TOP1MT: variants seen among roughly 807,000 people sequenced by gnomAD.
TOP1MT encodes the protein DNA topoisomerase I, mitochondrial.
In TOP1MT, 80 loss-of-function variants were observed where a neutral mutation model predicts 73.9. That is an observed-to-expected ratio of 1.08 (90% CI 0.90 to 1.30). The LOEUF (loss-of-function observed/expected upper bound fraction) is 1.30. Ranked by LOEUF, TOP1MT falls within the 50% of genes most tolerant of loss-of-function variation. The pLI, the probability that TOP1MT is intolerant of heterozygous loss-of-function variation, is 0.00. For synonymous variants in TOP1MT, 338 were observed against 326.4 expected (o/e 1.04, Z -0.38); for missense variants, 815 against 808.0 (o/e 1.01, Z -0.10).
intron 7 of TOP1MT, among the ~76,000 whole-genome samples, chr8:143,322,330 CCACA>C (rs1277344680): frequency 1.1e-3 from 93 of 85,242 alleles, no homozygotes; most frequent in Admixed American, 1.9e-3. Flanking sequence ...CAGATGCATG[CCACA>C]CACACAGGCA....
upstream of TOP1MT, among the ~76,000 whole-genome samples, chr8:143,336,716 C>T (rs780840866): frequency 1.3e-5 from 2 of 152,196 alleles, no homozygotes; most frequent in Non-Finnish European, 2.9e-5. Flanking sequence ...AGCACCGTAG[C>T]TCATGCCTGT....
intron 1 of TOP1MT, among the ~76,000 whole-genome samples, chr8:143,331,588 C>A (rs1563766652): frequency 6.6e-6 from 1 of 152,214 alleles, no homozygotes; most frequent in Admixed American, 6.5e-5. Flanking sequence ...TCCCACCAAG[C>A]CCAGCTAAGC....
At chr8:143,331,187 G>A in intron 2 of TOP1MT, 37 bp downstream of exon 2, 1 of 1,533,778 alleles carries the variant, frequency 6.5e-7, no homozygotes, top group Non-Finnish European at 8.9e-7. Context: ...AGGGAACCAA[G>A]CGCAGGCTGG....
chr8:143,321,276 G>A lies in TOP1MT; in HGVS notation c.1071C>T (p.Cys357=). Residue 357 remains cysteine, a synonymous_variant, in exon 8 of 14, where the codon TGC becomes TGT. Transcript: ENST00000329245. ...GGAAGTCAAATTCCACCACGTGTTG[G>A]CAGCCATCGGCCTCCGGGTGCAGCT... is the stretch of plus-strand genomic sequence containing the variant. ...HVQLHPEADG[C]QHVVEFDFLG... The A allele has an allele frequency of 1.2e-6, 2 of 1,612,534 alleles. No homozygotes were observed. The highest frequency in any genetic ancestry group is 1.7e-5 in the Admixed American group (1 of 59,950).
At chr8:143,333,985 G>A (rs1326218013) in intron 1 of TOP1MT, 2 of 152,312 alleles carry the variant, frequency 1.3e-5, no homozygotes, top group African/African-American at 2.4e-5. Flanking sequence ...CAGGCCCTCA[G>A]CTGTGAATGG....
intron 1 of TOP1MT, chr8:143,332,549 G>C (rs1229748082): frequency 1.6e-6 from 2 of 1,289,460 alleles, no homozygotes; most frequent in African/African-American, 1.5e-5. Context: ...GGCCTGGTGG[G>C]CCTGGTCGGC....
chr8:143,334,771 A>T lies in TOP1MT; in HGVS notation c.91T>A (p.Ser31Thr), dbSNP rs1816947316. 2 of 1,594,584 alleles carry T rather than the reference A, an allele frequency of 1.3e-6. No homozygotes were observed. The highest frequency in any genetic ancestry group is 2.2e-5 in the South Asian group (2 of 90,542). Reference protein sequence around the residue: ...RRPASRGVPGSRRTQKGSGAR... With the variant: ...RRPASRGVPGTRRTQKGSGAR... ...CCACTGCCCTTCTGCGTCCTGCGCG[A>T]GCCCGGGACACCCCGGGAGGCCGGG... Residue 31 changes from serine (S) to threonine (T), a missense_variant, in exon 1 of 14, where the codon TCG (serine) becomes ACG (threonine). Around this residue, in one of 3 missense-constraint regions of TOP1MT, gnomAD observed 60 missense variants for 65.9 expected, o/e 0.91. Coordinates refer to ENST00000329245, the MANE Select transcript of TOP1MT (RefSeq NM_052963.3).
chr8:143,358,686 A>G (rs2931710), upstream of TOP1MT: 133,869 of 152,284 alleles, frequency 0.88, 58,948 homozygotes, highest in African/African-American at 0.94. Flanking sequence ...AAACACACAC[A>G]TCTCCAGGGC....
chr8:143,338,944 C>T (rs909160518), upstream of TOP1MT, among the ~76,000 whole-genome samples: 5 of 152,210 alleles, frequency 3.3e-5, no homozygotes, highest in Admixed American at 2.6e-4. Flanking sequence ...CAGGGCTTCA[C>T]GCACTCTTCC....
chr8:143,311,117 A>ATTTTTTTTTTTTTTTTT (rs769172231), intron 12 of TOP1MT, among the ~76,000 whole-genome samples: 3 of 106,836 alleles, frequency 2.8e-5, no homozygotes, highest in Non-Finnish European at 3.6e-5. Context: ...CACGCACATG[A>ATTTTTTTTTTTTTTTTT]TTTTTTTTTT....
intron 12 of TOP1MT, among the ~76,000 whole-genome samples, chr8:143,312,204 GATATT>G (rs902015517): frequency 4.6e-5 from 7 of 152,110 alleles, no homozygotes; most frequent in South Asian, 2.1e-4. Context: ...TGAAATATTA[GATATT>G]ATATTAAATA....
At chr8:143,321,576 A>G (rs1378055354) in intron 7 of TOP1MT, among the ~76,000 whole-genome samples, 190 bp from the exon 8 acceptor site, 1 of 100,188 alleles carries the variant, frequency 1.0e-5, no homozygotes, top group East Asian at 2.7e-4. Flanking sequence ...CGCACGCCAC[A>G]CAGGCACGCC....
chr8:143,309,944 G>A (rs1415776264), intron 13 of TOP1MT, 124 bp downstream of exon 13: 1 of 1,597,004 alleles, frequency 6.3e-7, no homozygotes, highest in Non-Finnish European at 8.5e-7. Context: ...CTGTCACAGG[G>A]AGGGCCTGTG....
chr8:143,314,782 CA>C (rs907674434), intron 12 of TOP1MT, among the ~76,000 whole-genome samples: 2 of 151,954 alleles, frequency 1.3e-5, no homozygotes, highest in African/African-American at 4.8e-5. Context: ...ATATATAGAT[CA>C]TAGATATGAT....
chr8:143,323,987 A>G lies in TOP1MT; in HGVS notation c.960+12T>C. 2 of 1,611,090 alleles carry G rather than the reference A, an allele frequency of 1.2e-6. No individual in the cohort carries two copies. The highest frequency in any genetic ancestry group is 2.2e-5 in the South Asian group (2 of 90,912). On this transcript the variant is annotated intron_variant, in intron 7 of 13. Coordinates refer to ENST00000329245, the MANE Select transcript of TOP1MT (RefSeq NM_052963.3). ...GGATGAAGAGCCGCCAGGAAGCGAG[A>G]AGGCCGCATACCTTATCGATGAAAT...
At chr8:143,323,221 A>G (rs1186024337) in intron 7 of TOP1MT, among the ~76,000 whole-genome samples, 2 of 118,210 alleles carry the variant, frequency 1.7e-5, no homozygotes, top group Non-Finnish European at 3.4e-5. Context: ...CCACACAGGC[A>G]CGCCACACAC....
upstream of TOP1MT, among the ~76,000 whole-genome samples, chr8:143,359,676 G>C (rs1185769475): frequency 6.6e-6 from 1 of 152,038 alleles, no homozygotes; most frequent in African/African-American, 2.4e-5. Flanking sequence ...GCACACGGAG[G>C]GGGGACACAG....
At chr8:143,326,174 C>A (rs201802171) in intron 4 of TOP1MT, 48 bp downstream of exon 4, 2 of 1,604,636 alleles carry the variant, frequency 1.2e-6, no homozygotes, top group Non-Finnish European at 8.5e-7. Flanking sequence ...GCCGGCCTCT[C>A]GTTCCCAGGG....
At chr8:143,321,023 C>A (rs910221713) in intron 8 of TOP1MT, among the ~76,000 whole-genome samples, 178 bp downstream of exon 8, 4 of 152,276 alleles carry the variant, frequency 2.6e-5, no homozygotes, top group South Asian at 2.1e-4. Flanking sequence ...CTTGGGTCTA[C>A]CATGGTGCAC....
Sources: allele counts gnomAD v4.1 joint callset (sites outside exome capture counted in the v4.1 genomes callset), GRCh38; gene constraint gnomAD v4.1.1; regional missense constraint gnomAD v4.1.1; transcripts MANE v1.5; gene names NCBI Gene and HGNC (gene_info 2026-07-23, HGNC 2026-07-21).